Variants in PPP2R1B observed in about 807,000 individuals in gnomAD.
PPP2R1B encodes the protein protein phosphatase 2 scaffold subunit Abeta.
PPP2R1B carries 58 observed loss-of-function variants against 72.7 expected under a neutral mutation model. The observed-to-expected ratio is 0.80, with a 90% CI of 0.65 to 0.99. The LOEUF (loss-of-function observed/expected upper bound fraction) is 0.99, where lower values mean the gene tolerates loss of function less well. Among genes scored for constraint, PPP2R1B ranks in the 50% least tolerant of loss-of-function variants. The probability of loss-of-function intolerance (pLI) is 0.00; values close to 1 mark genes in which losing one functional copy is unlikely to be tolerated. For missense variants in PPP2R1B, 695 were observed against 733.6 expected (o/e 0.95, Z 0.61); for synonymous variants, 256 against 264.6 (o/e 0.97, Z 0.32).
chr11:111,710,041 G>A, the PPP2R1B span, among the ~76,000 whole-genome samples: 1 of 152,226 alleles, frequency 6.6e-6, no homozygotes, highest in East Asian at 1.9e-4. Context: ...CCTTCATAGA[G>A]AAGGAGCAGT....
At chr11:111,737,365 G>A (rs1944368354), downstream of PPP2R1B, 5 of 1,597,622 alleles carry the variant, frequency 3.1e-6, no homozygotes, top group South Asian at 4.4e-5. Context: ...CGCCTACCCT[G>A]TGGCAGCTCC....
the PPP2R1B span, among the ~76,000 whole-genome samples, chr11:111,698,782 TA>T: frequency 6.6e-6 from 1 of 152,364 alleles, no homozygotes; most frequent in East Asian, 1.9e-4. Context: ...TTACAGGCAC[TA>T]AAACTCATCC....
downstream of PPP2R1B, among the ~76,000 whole-genome samples, chr11:111,736,454 C>T (rs376924374): frequency 3.5e-4 from 53 of 152,322 alleles, no homozygotes; most frequent in African/African-American, 1.3e-3. Context: ...ACTCCTTCAG[C>T]CAAGCTCTCC....
chr11:111,765,002 A>G, intron 2 of PPP2R1B, 97 bp from the exon 3 acceptor site: 1 of 1,519,562 alleles, frequency 6.6e-7, no homozygotes, highest in Non-Finnish European at 8.8e-7. Flanking sequence ...GCGACCAGGA[A>G]GGTGACCCAG....
chr11:111,728,329 C>T (rs1944045761), intron 15 of PPP2R1B: 1 of 151,988 alleles, frequency 6.6e-6, no homozygotes, highest in African/African-American at 2.4e-5. Flanking sequence ...CGCTCTGTCA[C>T]CCAGGCTGGA....
At chr11:111,741,748 C>T in intron 14 of PPP2R1B, 136 bp from the exon 15 acceptor site, 1 of 1,020,828 alleles carries the variant, frequency 9.8e-7, no homozygotes, top group Non-Finnish European at 1.5e-6. Flanking sequence ...CTTTACTCAG[C>T]CAGGCTAATC....
chr11:111,731,045 C>G (rs975394582), intron 15 of PPP2R1B, among the ~76,000 whole-genome samples: 1 of 152,232 alleles, frequency 6.6e-6, no homozygotes, highest in Non-Finnish European at 1.5e-5. Flanking sequence ...TGCTCTGAAT[C>G]GCCCGAGTAC....
In PPP2R1B at chr11:111,739,309, T is replaced by G; in HGVS notation, c.*2287A>C. ...TCCTAAAGCCTATATTCCAGTGAAA[T>G]CAAGATAGGAGAACTTTTCCCTTAA... On this transcript the variant is annotated 3_prime_UTR_variant, in exon 15 of 15. Coordinates refer to ENST00000527614, the MANE Select transcript of PPP2R1B (RefSeq NM_002716.5). 2.0e-6 allele frequency: 2 copies of G among 978,252 alleles called. No homozygotes were observed. The highest frequency in any genetic ancestry group is 2.4e-6 in the Non-Finnish European group (2 of 824,572). 60.6% of individuals were successfully genotyped at this position (978,252 alleles called of 1,614,324 possible).
Position 111,739,237 on chromosome 11 carries a change from C to A in PPP2R1B, c.*2359G>T. On this transcript the variant is annotated 3_prime_UTR_variant, in exon 15 of 15. Coordinates refer to ENST00000527614, the MANE Select transcript of PPP2R1B (RefSeq NM_002716.5). The stretch of plus-strand genomic sequence containing the variant: ...CACCAGACACTGTTCCAGGCACTGG[C>A]GATACAGTAGAAGATAAAACAGACA... The A allele has an allele frequency of 1.0e-6, 1 of 971,980 alleles. No homozygotes were observed. The highest frequency in any genetic ancestry group is 1.8e-5 in the African/African-American group (1 of 56,938). 60.2% of individuals were successfully genotyped at this position (971,980 alleles called of 1,614,324 possible). A position where few individuals can be genotyped will look rare whatever the true frequency, so the allele number is the denominator to read the frequency against.
At chr11:111,763,587 T>C (rs781409267) in intron 3 of PPP2R1B, among the ~76,000 whole-genome samples, 1 of 152,152 alleles carries the variant, frequency 6.6e-6, no homozygotes, top group Non-Finnish European at 1.5e-5. Flanking sequence ...GTGGACTTAT[T>C]TGAAATATAC....
chr11:111,721,666 G>A, the PPP2R1B span, among the ~76,000 whole-genome samples: 2 of 152,336 alleles, frequency 1.3e-5, no homozygotes, highest in Middle Eastern at 3.4e-3. Flanking sequence ...ATGTTCTGCA[G>A]AGTAATGAGC....
chr11:111,764,198 G>C (rs899153537), intron 3 of PPP2R1B, among the ~76,000 whole-genome samples: 1 of 151,862 alleles, frequency 6.6e-6, no homozygotes, highest in Non-Finnish European at 1.5e-5. Context: ...GACCTCATTA[G>C]ATTCATTTTG....
intron 9 of PPP2R1B, among the ~76,000 whole-genome samples, chr11:111,752,944 C>CA (rs1407263561): frequency 2.0e-5 from 3 of 150,904 alleles, no homozygotes; most frequent in African/African-American, 4.9e-5. Context: ...GCCTGGGCGA[C>CA]AGAGCAAGAC....
chr11:111,711,493 C>T, the PPP2R1B span, among the ~76,000 whole-genome samples: 2 of 152,186 alleles, frequency 1.3e-5, no homozygotes, highest in Admixed American at 1.3e-4. Flanking sequence ...GACGTGAGAA[C>T]AGACTTCAAA....
chr11:111,743,267 A>G, intron 12 of PPP2R1B, 109 bp downstream of exon 12: 1 of 1,127,280 alleles, frequency 8.9e-7, no homozygotes, highest in Non-Finnish European at 1.3e-6. Context: ...ATTAATCAAT[A>G]CAAGACATAT....
At chr11:111,708,377 G>A in the PPP2R1B span, among the ~76,000 whole-genome samples, 165 of 151,964 alleles carry the variant, frequency 1.1e-3, 1 homozygote, top group African/African-American at 3.8e-3. Flanking sequence ...GTGAGGTTCT[G>A]TCCCAAAAAG....
At chr11:111,712,120 C>A in the PPP2R1B span, 1 of 1,286,126 alleles carries the variant, frequency 7.8e-7, no homozygotes, top group South Asian at 1.4e-5. Context: ...CTTTAATTGC[C>A]ACAGGAAGAA....
At chr11:111,748,587 G>C (rs560565353) in intron 10 of PPP2R1B, among the ~76,000 whole-genome samples, 13 of 152,266 alleles carry the variant, frequency 8.5e-5, no homozygotes, top group African/African-American at 3.1e-4. Flanking sequence ...TGTTCCTCCC[G>C]ACTGTCAACA....
chr11:111,742,170 A>G, intron 13 of PPP2R1B, 26 bp from the exon 14 acceptor site: 2 of 1,565,392 alleles, frequency 1.3e-6, no homozygotes, highest in Non-Finnish European at 1.8e-6. Context: ...ATTATCTGTG[A>G]AAGACAGTCT....
Sources: allele counts gnomAD v4.1 joint callset (sites outside exome capture counted in the v4.1 genomes callset), GRCh38; gene constraint gnomAD v4.1.1; transcripts MANE v1.5; gene names NCBI Gene and HGNC (gene_info 2026-07-23, HGNC 2026-07-21).